Variants in PCSK5 observed in about 807,000 individuals in gnomAD.
PCSK5 encodes proprotein convertase subtilisin/kexin type 5, also known as prohormone convertase 5.
Under a neutral mutation model 233.2 loss-of-function variants are expected in PCSK5, and 129 were observed. The observed-to-expected ratio is 0.55, with a 90% CI of 0.48 to 0.64. The LOEUF (loss-of-function observed/expected upper bound fraction) is 0.64. Among genes scored for constraint, PCSK5 ranks in the 30% least tolerant of loss-of-function variants. The pLI is 0.00. For missense variants in PCSK5, 2,076 were observed against 2,430.1 expected, an observed-to-expected ratio of 0.85 and a Z score of 3.06; for synonymous variants, 825 against 879.2, an observed-to-expected ratio of 0.94 and a Z score of 1.09.
chr9:76,091,673 C>T lies in PCSK5; in HGVS notation c.895-4217C>T, dbSNP rs541360827. 4.7e-3 allele frequency among the ~76,000 whole-genome samples: 720 copies of T among 152,052 alleles called. 9 individuals carry two copies. The highest frequency in any genetic ancestry group is 0.017 in the African/African-American group (691 of 41,456). ...GCTGGCCAGAAACTGGAATGTAAGA[C>T]GAGGAGATTGGGGGCTCAGGTATGC... On this transcript the variant is annotated intron_variant, in intron 7 of 37. Coordinates refer to ENST00000674117, the MANE Select transcript of PCSK5 (RefSeq NM_001372043.1).
At position 76,064,541 on chromosome 9, in the gene PCSK5, G is replaced by C. The variant is rs1010812646; in HGVS notation, c.633-3414G>C. On this transcript the variant is annotated intron_variant, in intron 5 of 37. Coordinates refer to ENST00000674117, the MANE Select transcript of PCSK5 (RefSeq NM_001372043.1). ...CCCAACCTCCCTCCCGGACGGGGTG[G>C]CTGCCGGGCGGAGACGCTCCTCACT... 2.7e-5 allele frequency among the ~76,000 whole-genome samples: 4 copies of C among 150,342 alleles called. No homozygotes were observed. The East Asian group carries it at 8.0e-4, about 30-fold the overall frequency.
At position 76,338,270 on chromosome 9, in the gene PCSK5, A is replaced by C; in HGVS notation, c.4789A>C (p.Asn1597His). The change falls in exon 35 of 38, where the codon AAC becomes CAC. Residue 1597 changes from asparagine (N) to histidine (H), a missense_variant. By Grantham distance (68) the Asn-to-His change is moderately conservative (BLOSUM62 1). Around this residue, in one of 6 missense-constraint regions of PCSK5, gnomAD observed 1,510 missense variants for 1,538.1 expected, o/e 0.98. Transcript: ENST00000674117. Reference protein sequence around the residue: ...DNSTGRCERCNRSCKGCQGPR... With the variant: ...DNSTGRCERCHRSCKGCQGPR... ...CTCCACTGGCCGGTGTGAGAGGTGC[A>C]ACAGGAGCTGCAAGGGGTGCCAGGG... 6.2e-7 allele frequency: 1 copy of C among 1,612,548 alleles called. No homozygotes were observed. The highest frequency in any genetic ancestry group is 2.2e-5 in the East Asian group (1 of 44,870).
chr9:76,078,986 A>G (rs1005296573), intron 7 of PCSK5, among the ~76,000 whole-genome samples: 2 of 152,018 alleles, frequency 1.3e-5, no homozygotes, highest in Admixed American at 1.3e-4. Context: ...TGTTTGTGTC[A>G]TCTCTGATTT....
At chr9:76,007,796 TTGTGTGTGTGTGTGTGTGTGTGTGTG>T (rs59860078) in intron 3 of PCSK5, among the ~76,000 whole-genome samples, 2 of 128,224 alleles carry the variant, frequency 1.6e-5, no homozygotes, top group South Asian at 5.7e-4. Flanking sequence ...CCGGCTAATT[TTGTGTGTGTGTGTGTGTGTGTGTGTG>T]TGTGTGTGTG....
intron 17 of PCSK5, among the ~76,000 whole-genome samples, chr9:76,185,081 CAGGTAAT>C (rs1824038147): frequency 6.6e-6 from 1 of 152,198 alleles, no homozygotes; most frequent in Non-Finnish European, 1.5e-5. Context: ...GATTACTTTG[CAGGTAAT>C]ACCAATGAAT....
intron 30 of PCSK5, among the ~76,000 whole-genome samples, chr9:76,318,559 T>G (rs1829098584): frequency 6.6e-6 from 1 of 152,224 alleles, no homozygotes; most frequent in Non-Finnish European, 1.5e-5. Flanking sequence ...TATATTTTAC[T>G]GTGTTCCCCC....
chr9:76,271,015 A>G (rs1158641566), intron 24 of PCSK5, among the ~76,000 whole-genome samples: 1 of 152,082 alleles, frequency 6.6e-6, no homozygotes, highest in Admixed American at 6.6e-5. Flanking sequence ...GCTGTGTACT[A>G]TCATCTTCCA....
At position 75,908,941 on chromosome 9, in the gene PCSK5, GTCTATCTATCTATCTATCTA is replaced by G. The variant is rs58082978; in HGVS notation, c.192+17599_192+17618del. ...TATCTATCTCTCTATCTCTCTCTCT[GTCTATCTATCTATCTATCTA>G]TCTATCTATCTATCTATCTATCTAT... On this transcript the variant is annotated intron_variant, in intron 1 of 37. Coordinates refer to ENST00000674117, the MANE Select transcript of PCSK5 (RefSeq NM_001372043.1). Among the ~76,000 whole-genome samples the G allele has an allele frequency of 5.2e-3, 609 of 116,610 alleles. 8 individuals are homozygous for G. The highest frequency in any genetic ancestry group is 0.02 in the Middle Eastern group (4 of 204). 76.5% of individuals were successfully genotyped at this position (116,610 alleles called of 152,430 possible).
chr9:76,200,251 G>T (rs1367558311), intron 20 of PCSK5, among the ~76,000 whole-genome samples: 1 of 152,142 alleles, frequency 6.6e-6, no homozygotes, highest in African/African-American at 2.4e-5. Flanking sequence ...CATCCCCCAT[G>T]CCCTCACATG....
At chr9:76,262,374 C>T (rs1827205098) in intron 24 of PCSK5, among the ~76,000 whole-genome samples, 1 of 152,218 alleles carries the variant, frequency 6.6e-6, no homozygotes, top group African/African-American at 2.4e-5. Flanking sequence ...TGACTTCAAA[C>T]TATACTATGA....
chr9:76,138,472 G>T (rs534526190), intron 10 of PCSK5, among the ~76,000 whole-genome samples: 1 of 152,144 alleles, frequency 6.6e-6, no homozygotes, highest in South Asian at 2.1e-4. Context: ...CCTACGGCTT[G>T]TATCATTTCA....
chr9:76,049,122 GA>G (rs1360517848), intron 5 of PCSK5, among the ~76,000 whole-genome samples: 1 of 151,608 alleles, frequency 6.6e-6, no homozygotes, highest in Non-Finnish European at 1.5e-5. Flanking sequence ...AAAGAAGAAA[GA>G]AAAAAGGAGA....
intron 25 of PCSK5, among the ~76,000 whole-genome samples, chr9:76,294,040 T>C (rs1828359812): frequency 6.6e-6 from 1 of 151,998 alleles, no homozygotes; most frequent in Admixed American, 6.6e-5. Context: ...CTACTAAAAA[T>C]ACAAAAATTA....
intron 1 of PCSK5, among the ~76,000 whole-genome samples, chr9:75,919,982 A>G (rs1173118746): frequency 6.6e-6 from 1 of 152,172 alleles, no homozygotes; most frequent in African/African-American, 2.4e-5. Flanking sequence ...AACCTGGCCA[A>G]CCTGGTGAAA....
chr9:75,936,991 CATCAGTGCTCTTGGGTGACTAGGTACATT>C (rs1824083633), intron 2 of PCSK5, among the ~76,000 whole-genome samples: 1 of 151,992 alleles, frequency 6.6e-6, no homozygotes. Context: ...TGTAAATTTC[CATCAGTGCTCTTGGGTGACTAGGTACATT>C]GTCAGTGATC....
chr9:75,968,653 A>G (rs1186585108), intron 2 of PCSK5, among the ~76,000 whole-genome samples: 1 of 152,188 alleles, frequency 6.6e-6, no homozygotes, highest in African/African-American at 2.4e-5. Context: ...GAAATACATG[A>G]GGGCCAGATT....
intron 5 of PCSK5, among the ~76,000 whole-genome samples, chr9:76,040,379 C>CAACAGG (rs1829059014): frequency 2.0e-5 from 1 of 51,090 alleles, no homozygotes; most frequent in African/African-American, 1.2e-4. Context: ...CTCTCTCTCT[C>CAACAGG]TCTCTGTCTC....
chr9:75,928,596 CATATATATAT>C lies in PCSK5; in HGVS notation c.193-3749_193-3740del, dbSNP rs61537466. 7.4e-3 allele frequency among the ~76,000 whole-genome samples: 509 copies of C among 68,396 alleles called. 5 individuals carry two copies. The highest frequency in any genetic ancestry group is 0.04 in the Admixed American group (200 of 4,958). 44.9% of individuals were successfully genotyped at this position (68,396 alleles called of 152,430 possible). On this transcript the variant is annotated intron_variant, in intron 1 of 37. Coordinates refer to ENST00000674117, the MANE Select transcript of PCSK5 (RefSeq NM_001372043.1). ...ATAAACATGCTTTTACATATAAATA[CATATATATAT>C]ATATATATATATATATATATATATA...
intron 33 of PCSK5, 58 bp downstream of exon 33, chr9:76,328,297 C>A: frequency 8.0e-7 from 1 of 1,246,446 alleles, no homozygotes; most frequent in Non-Finnish European, 1.2e-6. Flanking sequence ...AACTGCCTTG[C>A]ACACTGCCTT....
Sources: gnomAD v4.1 joint callset for allele counts (sites outside exome capture counted in the v4.1 genomes callset) on GRCh38, gnomAD v4.1.1 for gene constraint, gnomAD v4.1.1 regional missense constraint, MANE v1.5 for transcripts, NCBI Gene and HGNC (gene_info 2026-07-23, HGNC 2026-07-21) for gene names.